Variants in RASEF observed in about 807,000 individuals in gnomAD.
RASEF encodes the protein RAS and EF-hand domain containing, also known as ras and EF-hand domain-containing protein.
Under a neutral mutation model 90.1 loss-of-function variants are expected in RASEF, and 68 were observed. The ratio of observed to expected loss-of-function variants is 0.75; its 90% CI spans 0.62 to 0.92. RASEF has a LOEUF of 0.92. Among genes scored for constraint, RASEF ranks in the 40% least tolerant of loss-of-function variants. The pLI, the probability that RASEF is intolerant of heterozygous loss-of-function variation, is 0.00. For missense variants in RASEF, 949 were observed against 937.2 expected, an observed-to-expected ratio of 1.01 and a Z score of -0.16; for synonymous variants, 331 against 345.2, an observed-to-expected ratio of 0.96 and a Z score of 0.46.
At chr9:83,055,727 G>C (rs972727475) in intron 1 of RASEF, 3 of 711,500 alleles carry the variant, frequency 4.2e-6, no homozygotes, top group Admixed American at 2.0e-5. Context: ...AGGTGATTTG[G>C]AATGAGCTCA....
chr9:83,102,269 G>T, the RASEF span, among the ~76,000 whole-genome samples: 1 of 152,118 alleles, frequency 6.6e-6, no homozygotes, highest in South Asian at 2.1e-4. Context: ...GTAGAGACAG[G>T]CTTTCACCAT....
chr9:82,998,831 G>A (rs1186071318), intron 12 of RASEF, among the ~76,000 whole-genome samples: 1 of 152,034 alleles, frequency 6.6e-6, no homozygotes, highest in Non-Finnish European at 1.5e-5. Flanking sequence ...ATGTGTGTAG[G>A]TGCAGATACG....
chr9:83,048,853 G>A (rs1228474780), intron 1 of RASEF: 1 of 767,724 alleles, frequency 1.3e-6, no homozygotes, highest in Admixed American at 6.2e-5. Context: ...GTGAGGCTGT[G>A]TGCAGTGGCT....
At chr9:83,085,633 C>G in the RASEF span, among the ~76,000 whole-genome samples, 6 of 148,366 alleles carry the variant, frequency 4.0e-5, no homozygotes, top group African/African-American at 1.5e-4. Context: ...CACCCTGTCT[C>G]AAAACTATAT....
intron 3 of RASEF, among the ~76,000 whole-genome samples, chr9:83,017,228 G>A (rs1306628867): frequency 6.6e-6 from 1 of 151,366 alleles, no homozygotes; most frequent in Non-Finnish European, 1.5e-5. Context: ...GCTCATGACT[G>A]TAATCCCAAC....
the RASEF span, among the ~76,000 whole-genome samples, chr9:83,192,171 G>T: frequency 2.0e-5 from 3 of 152,162 alleles, no homozygotes; most frequent in African/African-American, 7.2e-5. Flanking sequence ...CCTAAAAACA[G>T]AACTACTGTT....
rs145590280 is a variant in RASEF at position 83,001,025 on chromosome 9, G to A, written c.1308C>T (p.Phe436=). The A allele has an allele frequency of 8.0e-4, 1,284 of 1,614,074 alleles. 13 individuals carry two copies. The African/African-American group carries it at 0.016, about 20-fold the overall frequency. The change falls in exon 10 of 17, where the codon TTC becomes TTT. Residue 436 remains phenylalanine, a synonymous_variant. Coordinates refer to ENST00000376447, the MANE Select transcript of RASEF (RefSeq NM_152573.4). ...CTCTCAAGGTAGACAAGCCGCTGTCGAAGCAGCTTTCAGGCAGGCTGTCAA... is the reference window on the plus strand; with the variant it reads ...CTCTCAAGGTAGACAAGCCGCTGTCAAAGCAGCTTTCAGGCAGGCTGTCAA... The part of the protein sequence containing the change: ...CEVDSLPESC[F]DSGLSTLRDP...
At chr9:83,157,780 A>C in the RASEF span, among the ~76,000 whole-genome samples, 10 of 152,248 alleles carry the variant, frequency 6.6e-5, no homozygotes, top group Admixed American at 1.3e-4. Flanking sequence ...AAACTTGGGC[A>C]CTGCATTTAC....
intron 1 of RASEF, among the ~76,000 whole-genome samples, chr9:83,045,061 G>C (rs1176774257): frequency 2.0e-5 from 3 of 152,244 alleles, no homozygotes; most frequent in African/African-American, 4.8e-5. Flanking sequence ...ACAGTCACAC[G>C]AGTCAATTCC....
At chr9:83,149,022 A>G in the RASEF span, among the ~76,000 whole-genome samples, 1 of 152,236 alleles carries the variant, frequency 6.6e-6, no homozygotes, top group African/African-American at 2.4e-5. Context: ...GCTGATGACA[A>G]GCCACAGCAA....
At chr9:83,158,555 C>T in the RASEF span, among the ~76,000 whole-genome samples, 1 of 148,564 alleles carries the variant, frequency 6.7e-6, no homozygotes, top group Non-Finnish European at 1.5e-5. Flanking sequence ...TACACACACA[C>T]ATATATACAT....
rs756148127 is a variant in RASEF at position 83,015,903 on chromosome 9, A to G, written c.670-3T>C. On this transcript the variant is annotated splice_polypyrimidine_tract_variant and splice_region_variant and intron_variant, in intron 3 of 16. Coordinates refer to ENST00000376447, the MANE Select transcript of RASEF (RefSeq NM_152573.4). ...GCTTCCTCAGCTTTGCGTTTTTCCT[A>G]AAAGAAAAAAAAATATGTTGTTCAT... 6 of 1,605,350 alleles carry G rather than the reference A, an allele frequency of 3.7e-6. No homozygotes were observed. In the Admixed American group the frequency reaches 8.4e-5, roughly 22 times the overall value.
chr9:83,032,132 T>A (rs972064553), intron 1 of RASEF, among the ~76,000 whole-genome samples: 4 of 152,120 alleles, frequency 2.6e-5, no homozygotes, highest in Non-Finnish European at 5.9e-5. Flanking sequence ...CATTACTTGG[T>A]GCCAAGATAA....
intron 1 of RASEF, among the ~76,000 whole-genome samples, chr9:83,030,438 T>A (rs1829625833): frequency 6.6e-6 from 1 of 152,034 alleles, no homozygotes; most frequent in Non-Finnish European, 1.5e-5. Context: ...GAAGTACACA[T>A]CTCAGTAGAT....
chr9:83,076,936 A>G, the RASEF span, among the ~76,000 whole-genome samples: 1 of 152,164 alleles, frequency 6.6e-6, no homozygotes, highest in Non-Finnish European at 1.5e-5. Context: ...TCATGACTGA[A>G]AAATTTTTAG....
At chr9:83,023,979 A>T (rs1190374599) in intron 2 of RASEF, among the ~76,000 whole-genome samples, 1 of 152,184 alleles carries the variant, frequency 6.6e-6, no homozygotes, top group Non-Finnish European at 1.5e-5. Flanking sequence ...ATGTCTGCCC[A>T]CTGTGACCTA....
intron 1 of RASEF, among the ~76,000 whole-genome samples, chr9:83,041,319 C>T (rs542361630): frequency 6.6e-6 from 1 of 152,166 alleles, no homozygotes; most frequent in South Asian, 2.1e-4. Flanking sequence ...GACATGTCAC[C>T]GAGTTTTATA....
the RASEF span, among the ~76,000 whole-genome samples, chr9:83,128,414 G>A: frequency 6.6e-6 from 1 of 150,410 alleles, no homozygotes; most frequent in Non-Finnish European, 1.5e-5. Flanking sequence ...TTTCCTAACT[G>A]GATTTCTACA....
chr9:83,010,946 GA>G (rs1282275615), intron 5 of RASEF, among the ~76,000 whole-genome samples: 1 of 150,836 alleles, frequency 6.6e-6, no homozygotes, highest in East Asian at 1.9e-4. Context: ...CCAGGTAGTT[GA>G]AAAAAAATGG....
Sources: allele counts gnomAD v4.1 joint callset (sites outside exome capture counted in the v4.1 genomes callset), GRCh38; gene constraint gnomAD v4.1.1; transcripts MANE v1.5; gene names NCBI Gene and HGNC (gene_info 2026-07-23, HGNC 2026-07-21).